The following GRIK2 variants were observed in gnomAD, a reference collection of about 807,000 sequenced individuals.
The protein encoded by GRIK2 is glutamate receptor ionotropic, kainate 2.
Under a neutral mutation model 100.3 loss-of-function variants are expected in GRIK2, and 32 were observed. That is an observed-to-expected ratio of 0.32 (90% CI 0.24 to 0.43). The LOEUF is 0.43. Ranked by LOEUF, GRIK2 falls within the 20% of genes least tolerant of loss-of-function variation. The pLI, the probability that GRIK2 is intolerant of heterozygous loss-of-function variation, is 1.00. For missense variants in GRIK2, 843 were observed against 1,114.9 expected, an observed-to-expected ratio of 0.76 and a Z score of 3.47; for synonymous variants, 417 against 389.4, an observed-to-expected ratio of 1.07 and a Z score of -0.83.
chr6:101,544,264 G>A (rs569678798), intron 2 of GRIK2, among the ~76,000 whole-genome samples: 16 of 152,174 alleles, frequency 1.1e-4, no homozygotes, highest in Middle Eastern at 3.4e-3. Flanking sequence ...TGAAAACTAT[G>A]CTGGAGAAAA....
intron 14 of GRIK2, among the ~76,000 whole-genome samples, chr6:102,014,897 G>T (rs1582725724): frequency 6.6e-6 from 1 of 152,084 alleles, no homozygotes; most frequent in Admixed American, 6.5e-5. Context: ...TAGAAGAGAA[G>T]AATGTATATT....
chr6:101,638,586 T>C (rs909685916), intron 4 of GRIK2, among the ~76,000 whole-genome samples: 1 of 151,968 alleles, frequency 6.6e-6, no homozygotes, highest in African/African-American at 2.4e-5. Flanking sequence ...GGAAAATAGA[T>C]TAAGAATTTT....
chr6:101,686,182 C>A lies in GRIK2; in HGVS notation c.780C>A (p.Asp260Glu). ...EYYHYIFTTL[D>E]LFALDVEPYR... is the part of the protein sequence containing the mutation. The stretch of plus-strand genomic sequence containing the variant: ...ACACAATAACATTTGTCTTTCAGGA[C>A]CTCTTTGCTCTTGATGTTGAGCCCT... Residue 260 changes from aspartate to glutamate, a missense_variant and splice_region_variant, in exon 7 of 17, where the codon GAC becomes GAA. Transcript: ENST00000369134. The A allele has an allele frequency of 6.2e-7, 1 of 1,606,828 alleles. No homozygotes were observed.
At chr6:102,010,425 C>A (rs1342896205) in intron 14 of GRIK2, among the ~76,000 whole-genome samples, 1 of 151,344 alleles carries the variant, frequency 6.6e-6, no homozygotes, top group African/African-American at 2.4e-5. Flanking sequence ...ACTCTGTCGC[C>A]CAGGCTGAAG....
chr6:101,591,153 C>T (rs73761352), intron 2 of GRIK2, among the ~76,000 whole-genome samples: 83 of 151,898 alleles, frequency 5.5e-4, no homozygotes, highest in African/African-American at 1.9e-3. Context: ...TTTCTAGATG[C>T]AGCATTGATT....
chr6:101,399,240 G>C lies in GRIK2; in HGVS notation c.-38G>C. The C allele has an allele frequency of 1.0e-6, 1 of 978,422 alleles. No homozygotes were observed. Among genetic ancestry groups the C allele is most frequent in the Non-Finnish European group, 1.7e-6 (1 of 599,164 alleles). The allele number at this position is 978,422 out of a possible 1,614,324, so 60.6% of individuals were successfully genotyped here. ...GAACCCAGGAGCCGAACGCTAGATC[G>C]GGGAAGTGGGTGCCGTGCGTGTGGG... On this transcript the variant is annotated 5_prime_UTR_variant, in exon 2 of 17. Transcript: ENST00000369134.
rs116953646 is a variant in GRIK2 at position 101,516,496 on chromosome 6, C to G, written c.116-105453C>G. 4.0e-3 allele frequency among the ~76,000 whole-genome samples: 608 copies of G among 152,074 alleles called. 4 individuals carry two copies. The highest frequency in any genetic ancestry group is 0.014 in the Middle Eastern group (4 of 294). On this transcript the variant is annotated intron_variant, in intron 2 of 16. Coordinates refer to ENST00000369134, the MANE Select transcript of GRIK2 (RefSeq NM_021956.5). ...AAAACATAAAGTGGGGAAAGGGCAC[C>G]CTTTTTAACAAATGATACTGGGATA...
chr6:101,872,103 G>A (rs1785464056), intron 11 of GRIK2, among the ~76,000 whole-genome samples: 1 of 151,864 alleles, frequency 6.6e-6, no homozygotes, highest in Non-Finnish European at 1.5e-5. Flanking sequence ...GTATCTCAAT[G>A]TGGTTTTCAT....
chr6:102,068,246 A>ATGT (rs1772114606), intron 16 of GRIK2, 101 bp from the exon 17 acceptor site: 1 of 803,566 alleles, frequency 1.2e-6, no homozygotes, highest in African/African-American at 1.8e-5. Context: ...ACCTTCAAGG[A>ATGT]TGTTATGTGA....
In GRIK2 at chr6:102,069,121, CT is replaced by C. The variant is rs1374407682; in HGVS notation, c.*616del. 1 of 149,310 alleles carries C rather than the reference CT, an allele frequency of 6.7e-6. No homozygotes were observed. The highest frequency in any genetic ancestry group is 2.4e-5 in the African/African-American group (1 of 40,992). The allele number at this position is 149,310 out of a possible 1,614,324, so 9.2% of individuals were successfully genotyped here. On this transcript the variant is annotated 3_prime_UTR_variant, in exon 17 of 17. Transcript: ENST00000369134. ...AAGCAGATGTTCATCACTTATTTTCCTTTTTTCTTTTCTTATTTTTTTTTTT... is the reference window on the plus strand; with the variant it reads ...AAGCAGATGTTCATCACTTATTTTCCTTTTTCTTTTCTTATTTTTTTTTTT...
chr6:101,395,192 C>A (rs932907638), intron 1 of GRIK2, among the ~76,000 whole-genome samples: 1 of 152,164 alleles, frequency 6.6e-6, no homozygotes, highest in African/African-American at 2.4e-5. Flanking sequence ...TCAGTCCTGA[C>A]TTTATTCTCT....
chr6:102,014,982 C>T (rs1275641540), intron 14 of GRIK2, among the ~76,000 whole-genome samples: 2 of 151,988 alleles, frequency 1.3e-5, no homozygotes, highest in Non-Finnish European at 2.9e-5. Context: ...TCTTTCAAGT[C>T]CTGAATATCT....
chr6:101,806,070 G>A lies in GRIK2; in HGVS notation c.1203+3632G>A, dbSNP rs187785982. 5.3e-5 allele frequency among the ~76,000 whole-genome samples: 8 copies of A among 152,106 alleles called. No homozygotes were observed. In the South Asian group the frequency reaches 1.7e-3, roughly 32 times the overall value. ...TGGTCCCAAAAAGATCACCGATACT[G>A]TATACACAGCCAGCCACTTCTGTGC... On this transcript the variant is annotated intron_variant, in intron 9 of 16. Transcript: ENST00000369134.
chr6:102,015,507 G>T (rs1183879730), intron 14 of GRIK2, among the ~76,000 whole-genome samples: 1 of 152,146 alleles, frequency 6.6e-6, no homozygotes, highest in Non-Finnish European at 1.5e-5. Flanking sequence ...TGCTAACACT[G>T]CTACGAGTAC....
intron 2 of GRIK2, among the ~76,000 whole-genome samples, chr6:101,416,731 A>AT (rs1776156607): frequency 6.6e-6 from 1 of 152,186 alleles, no homozygotes; most frequent in Admixed American, 6.5e-5. Context: ...TATAGATCAT[A>AT]TTTTTAAAAA....
intron 10 of GRIK2, among the ~76,000 whole-genome samples, chr6:101,834,980 G>T (rs1782971270): frequency 6.6e-6 from 1 of 152,124 alleles, no homozygotes; most frequent in Non-Finnish European, 1.5e-5. Context: ...TCCAGCCTGG[G>T]TGACATAGTG....
intron 3 of GRIK2, among the ~76,000 whole-genome samples, chr6:101,622,387 A>G (rs759237965): frequency 4.5e-4 from 68 of 151,644 alleles, no homozygotes; most frequent in Non-Finnish European, 7.8e-4. Flanking sequence ...AAGCATTCCT[A>G]TTTTTAAGAA....
chr6:101,759,835 T>C (rs533903196), intron 7 of GRIK2, among the ~76,000 whole-genome samples: 2 of 151,734 alleles, frequency 1.3e-5, no homozygotes, highest in Non-Finnish European at 2.9e-5. Flanking sequence ...ACTAGCTAGA[T>C]AAATGCAGCA....
chr6:101,418,724 C>T (rs1286007931), intron 2 of GRIK2, among the ~76,000 whole-genome samples: 1 of 152,044 alleles, frequency 6.6e-6, no homozygotes, highest in African/African-American at 2.4e-5. Context: ...GTTCCTTTCC[C>T]CTTAAACTCT....
Sources: gnomAD v4.1 joint callset for allele counts (sites outside exome capture counted in the v4.1 genomes callset) on GRCh38, gnomAD v4.1.1 for gene constraint, MANE v1.5 for transcripts, NCBI Gene and HGNC (gene_info 2026-07-23, HGNC 2026-07-21) for gene names.